PSKH2: variants seen among roughly 807,000 people sequenced by gnomAD.
PSKH2 encodes the protein serine/threonine-protein kinase H2.
Under a neutral mutation model 22.5 loss-of-function variants are expected in PSKH2, and 16 were observed. The observed-to-expected ratio is 0.71, with a 90% confidence interval of 0.48 to 1.08. PSKH2 has a LOEUF of 1.08. Among genes scored for constraint, PSKH2 ranks in the 50% least tolerant of loss-of-function variants. The pLI is 0.00. For synonymous variants in PSKH2, 188 were observed against 184.8 expected, an observed-to-expected ratio of 1.02 and a Z score of -0.14; for missense variants, 516 against 492.8, an observed-to-expected ratio of 1.05 and a Z score of -0.44.
rs1817818668 is a variant in PSKH2, at chr8:86,064,122, T to G, written c.695A>C (p.Glu232Ala). ...GGTATAAGGCTTCCTTAGCAAAACC[T>G]CAGGAGCTATGTACTCTGGGGTCCC... ...LCGTPEYIAP[E>A]VLLRKPYTSA... The change falls in exon 2 of 3, where the codon GAG (glutamate) becomes GCG (alanine). Residue 232 changes from glutamate (E) to alanine (A), a missense_variant. Glu to Ala is a moderately radical substitution (Grantham distance 107, BLOSUM62 -1). Coordinates refer to ENST00000276616, the MANE Select transcript of PSKH2 (RefSeq NM_033126.3). The G allele has an allele frequency of 1.9e-6, 3 of 1,614,078 alleles. No homozygotes were observed. Among genetic ancestry groups the G allele is most frequent in the Non-Finnish European group, 2.5e-6 (3 of 1,180,008 alleles).
chr8:86,066,698 T>A (rs1269193626), intron 1 of PSKH2, among the ~76,000 whole-genome samples: 1 of 152,216 alleles, frequency 6.6e-6, no homozygotes, highest in Non-Finnish European at 1.5e-5. Context: ...TTTGCCTTCT[T>A]GTTTGTTCTT....
At chr8:86,069,700 G>A, upstream of PSKH2, 2 of 1,395,146 alleles carry the variant, frequency 1.4e-6, no homozygotes, top group Non-Finnish European at 1.9e-6. Flanking sequence ...CTTTATCAAA[G>A]AGCAGCTGCG....
At chr8:86,069,735 C>T, upstream of PSKH2, 1 of 1,254,578 alleles carries the variant, frequency 8.0e-7, no homozygotes. Flanking sequence ...CGGAAAGAAA[C>T]CCCACTGGGG....
chr8:86,048,811 G>C (rs1368038084), intron 2 of PSKH2, 44 bp from the exon 3 acceptor site: 1 of 1,427,352 alleles, frequency 7.0e-7, no homozygotes, highest in East Asian at 2.5e-5. Context: ...AAATAAAATG[G>C]AAATATACAC....
At position 86,069,431 on chromosome 8, in the gene PSKH2, G is replaced by T. The variant is rs746024958; in HGVS notation, c.185+7C>A. The T allele has an allele frequency of 2.5e-6, 4 of 1,574,020 alleles. No individual in the cohort carries two copies. The highest frequency in any genetic ancestry group is 2.6e-6 in the Non-Finnish European group (3 of 1,160,830). The stretch of plus-strand genomic sequence containing the variant: ...GTCCCAGGCCAGTTCCTCACGTGGC[G>T]CTTTACCTGGCAAGGACCCGGGGGT... On this transcript the variant is annotated splice_region_variant and intron_variant, in intron 1 of 2. Coordinates refer to ENST00000276616, the MANE Select transcript of PSKH2 (RefSeq NM_033126.3).
At chr8:86,049,078 T>C (rs2130136651) in intron 2 of PSKH2, among the ~76,000 whole-genome samples, 1 of 152,270 alleles carries the variant, frequency 6.6e-6, no homozygotes, top group East Asian at 1.9e-4. Context: ...TCAATACGAG[T>C]TCCCATACTG....
At chr8:86,050,800 C>T (rs906738794) in intron 2 of PSKH2, among the ~76,000 whole-genome samples, 7 of 152,224 alleles carry the variant, frequency 4.6e-5, no homozygotes, top group African/African-American at 1.7e-4. Context: ...GGGAATCCTT[C>T]CATGTATTGT....
At chr8:86,062,070 A>G (rs1281213725) in intron 2 of PSKH2, among the ~76,000 whole-genome samples, 1 of 152,244 alleles carries the variant, frequency 6.6e-6, no homozygotes, top group African/African-American at 2.4e-5. Flanking sequence ...TAAACATGCT[A>G]TTATATTTCC....
chr8:86,066,765 AC>A (rs1444465568), intron 1 of PSKH2, among the ~76,000 whole-genome samples: 4 of 152,140 alleles, frequency 2.6e-5, no homozygotes, highest in African/African-American at 9.7e-5. Flanking sequence ...ATTACAGAAA[AC>A]AGCTTTGTTC....
rs11405076 is a variant in PSKH2, at chr8:86,047,840, G to GA, written c.*621dup. ...TGGTGGTTGATGAATGCTAACATTA[G>GA]AAAAAAATCACTATTTTATGATTCT... On this transcript the variant is annotated 3_prime_UTR_variant, in exon 3 of 3. Transcript: ENST00000276616. Among the ~76,000 whole-genome samples, 57,738 of 151,748 alleles carry GA rather than the reference G, an allele frequency of 0.38. 11,221 individuals carry two copies. Among genetic ancestry groups the GA allele is most frequent in the East Asian group, 0.49 (2,544 of 5,158 alleles).
chr8:86,062,116 G>A (rs563413393), intron 2 of PSKH2, among the ~76,000 whole-genome samples: 3 of 152,190 alleles, frequency 2.0e-5, no homozygotes, highest in South Asian at 2.1e-4. Flanking sequence ...TTTCCCACAC[G>A]AATGTGATCA....
At chr8:86,064,736 T>A in intron 1 of PSKH2, 105 bp from the exon 2 acceptor site, 1 of 910,502 alleles carries the variant, frequency 1.1e-6, no homozygotes, top group Non-Finnish European at 1.6e-6. Flanking sequence ...ATTCCTCCCA[T>A]CAGATTTATT....
Position 86,050,019 on chromosome 8 carries a change from C to T in PSKH2, c.853-1252G>A, listed in dbSNP as rs557179133. 1.2e-4 allele frequency among the ~76,000 whole-genome samples: 18 copies of T among 152,252 alleles called. No homozygotes were observed. The East Asian group carries it at 2.5e-3, about 21-fold the overall frequency. On this transcript the variant is annotated intron_variant, in intron 2 of 2. Transcript: ENST00000276616. ...GATTTGACTACAAATAGATTCAACA[C>T]GTAACAGCTATGACACAGTACAATA...
rs543852384 is a variant in PSKH2, at chr8:86,069,112, A to G, written c.185+326T>C. Among the ~76,000 whole-genome samples the G allele has an allele frequency of 2.6e-5, 4 of 152,194 alleles. No homozygotes were observed. In the East Asian group the frequency reaches 7.7e-4, roughly 29 times the overall value. ...GGAAAAGAATGGGAGAAGCTTAGGG[A>G]GAGGTGGTCAATGAGATCTGTGTTT... On this transcript the variant is annotated intron_variant, in intron 1 of 2. Coordinates refer to ENST00000276616, the MANE Select transcript of PSKH2 (RefSeq NM_033126.3).
intron 2 of PSKH2, among the ~76,000 whole-genome samples, chr8:86,057,592 G>A (rs11994177): frequency 0.47 from 71,336 of 151,822 alleles, 17,042 homozygotes; most frequent in African/African-American, 0.49. Context: ...TCACCATGTT[G>A]GCCAGGATGG....
At chr8:86,065,905 G>A (rs531753469) in intron 1 of PSKH2, among the ~76,000 whole-genome samples, 2 of 152,206 alleles carry the variant, frequency 1.3e-5, no homozygotes, top group Admixed American at 6.5e-5. Flanking sequence ...AGGAATTTGA[G>A]GTTGCAGTGA....
intron 2 of PSKH2, among the ~76,000 whole-genome samples, chr8:86,052,632 TTAAC>T (rs1297285448): frequency 2.0e-5 from 3 of 152,340 alleles, no homozygotes; most frequent in East Asian, 3.9e-4. Context: ...TGTGGATAGA[TTAAC>T]TGACTGCACT....
chr8:86,048,236 T>C lies in PSKH2; in HGVS notation c.*226A>G, dbSNP rs898208256. 3.3e-5 allele frequency: 14 copies of C among 429,364 alleles called. No individual in the cohort carries two copies. The highest frequency in any genetic ancestry group is 2.5e-4 in the African/African-American group (13 of 51,162). The allele number at this position is 429,364 out of a possible 1,614,324, so 26.6% of individuals were successfully genotyped here. A position where few individuals can be genotyped will look rare whatever the true frequency, so the allele number is the denominator to read the frequency against. On this transcript the variant is annotated 3_prime_UTR_variant, in exon 3 of 3. Coordinates refer to ENST00000276616, the MANE Select transcript of PSKH2 (RefSeq NM_033126.3). ...TTCTTATCTATTTATTGTTTCCAGT[T>C]ATCTAAACATAGCTAGTATTTACTA...
Position 86,069,500 on chromosome 8 carries a change from C to T in PSKH2, c.123G>A (p.Gln41=). 6.2e-7 allele frequency: 1 copy of T among 1,609,294 alleles called. No homozygotes were observed. The highest frequency in any genetic ancestry group is 1.3e-5 in the African/African-American group (1 of 74,926). ...GAGPGPEAAA[Q]AAQRIQVARF... ...GAGCCACCTGTATCCTCTGCGCCGC[C>T]TGGGCCGCCGCCTCGGGCCCAGGCC... The change falls in exon 1 of 3, where the codon CAG becomes CAA. Residue 41 remains glutamine (Q), a synonymous_variant. Transcript: ENST00000276616.
Sources: allele counts gnomAD v4.1 joint callset (sites outside exome capture counted in the v4.1 genomes callset), GRCh38; gene constraint gnomAD v4.1.1; transcripts MANE v1.5; gene names NCBI Gene and HGNC (gene_info 2026-07-23, HGNC 2026-07-21).